EYA2: variants seen among roughly 807,000 people sequenced by gnomAD.
EYA2 encodes the protein EYA transcriptional coactivator and phosphatase 2.
A neutral mutation model predicts 69.2 loss-of-function variants in EYA2; 31 were observed. The observed-to-expected ratio is 0.45, with a 90% CI of 0.34 to 0.60. The LOEUF is 0.60. EYA2 is among the 20% of genes least tolerant of loss of function. The probability of loss-of-function intolerance (pLI) is 0.02; values close to 1 mark genes in which losing one functional copy is unlikely to be tolerated. For missense variants in EYA2, 622 were observed against 701.2 expected (o/e 0.89, Z 1.28); for synonymous variants, 257 against 279.4 (o/e 0.92, Z 0.80).
chr20:47,044,907 A>G (rs1417449), intron 5 of EYA2, among the ~76,000 whole-genome samples: 109,686 of 151,960 alleles, frequency 0.72, 39,758 homozygotes, highest in African/African-American at 0.75. Flanking sequence ...ATCTAGAGAG[A>G]GAAAACAATA....
At chr20:47,155,549 G>C (rs2033906231) in intron 10 of EYA2, among the ~76,000 whole-genome samples, 1 of 151,948 alleles carries the variant, frequency 6.6e-6, no homozygotes, top group Non-Finnish European at 1.5e-5. Flanking sequence ...CCATGTTAGA[G>C]ATGGGGAAAC....
At chr20:46,980,776 C>T (rs553493882) in intron 1 of EYA2, among the ~76,000 whole-genome samples, 27 of 152,294 alleles carry the variant, frequency 1.8e-4, no homozygotes, top group African/African-American at 6.0e-4. Flanking sequence ...CCCTTCCTGG[C>T]CTTCAGTAAT....
chr20:47,097,107 A>C lies in EYA2; in HGVS notation c.827A>C (p.Asp276Ala). The change falls in exon 9 of 16, where the codon GAT (aspartate) becomes GCT (alanine). Residue 276 changes from aspartate (D) to alanine (A), a missense_variant. Transcript: ENST00000327619. ...CAGCGTGTGTTCGTGTGGGACTTGGATGAGACAATAATTATTTTTCACTCC... is the reference window on the plus strand; with the variant it reads ...CAGCGTGTGTTCGTGTGGGACTTGGCTGAGACAATAATTATTTTTCACTCC... ...EIERVFVWDL[D>A]ETIIIFHSLL... is the part of the protein sequence containing the mutation. The C allele has an allele frequency of 6.2e-7, 1 of 1,610,492 alleles. No homozygotes were observed. Among genetic ancestry groups the C allele is most frequent in the Non-Finnish European group, 8.5e-7 (1 of 1,178,750 alleles).
Position 47,078,318 on chromosome 20 carries a change from TGC to T in EYA2, c.661+3996_661+3997del, listed in dbSNP as rs141520850. 6.4e-3 allele frequency among the ~76,000 whole-genome samples: 835 copies of T among 130,232 alleles called. 7 individuals carry two copies. The highest frequency in any genetic ancestry group is 0.016 in the South Asian group (63 of 3,850). The allele number at this position is 130,232 out of a possible 152,430, so 85.4% of individuals were successfully genotyped here. ...GCATATGTGTGTGCACATGTGCACGTGCGCGCGCGCGCGCACACACACACACA... is the reference window on the plus strand; with the variant it reads ...GCATATGTGTGTGCACATGTGCACGTGCGCGCGCGCGCACACACACACACA... On this transcript the variant is annotated intron_variant, in intron 7 of 15. Coordinates refer to ENST00000327619, the MANE Select transcript of EYA2 (RefSeq NM_005244.5).
chr20:46,912,744 A>G (rs1352223319), intron 1 of EYA2, among the ~76,000 whole-genome samples: 1 of 146,582 alleles, frequency 6.8e-6, no homozygotes, highest in Non-Finnish European at 1.5e-5. Flanking sequence ...CCCAGGCCGG[A>G]CTGCGGACTG....
intron 7 of EYA2, among the ~76,000 whole-genome samples, chr20:47,081,500 C>T (rs769077453): frequency 4.6e-5 from 7 of 151,948 alleles, no homozygotes; most frequent in East Asian, 3.9e-4. Flanking sequence ...ATAAAAAGGC[C>T]GGGCATGGTG....
chr20:46,904,382 T>G (rs1600529566), intron 1 of EYA2, among the ~76,000 whole-genome samples: 1 of 149,954 alleles, frequency 6.7e-6, no homozygotes, highest in Non-Finnish European at 1.5e-5. Flanking sequence ...ATTTTAAAAC[T>G]GCCAAACAGA....
At chr20:47,073,774 C>T (rs2031405554) in intron 6 of EYA2, among the ~76,000 whole-genome samples, 1 of 151,946 alleles carries the variant, frequency 6.6e-6, no homozygotes, top group Admixed American at 6.6e-5. Flanking sequence ...GTGCAGCTCT[C>T]AAAGACCAAC....
intron 5 of EYA2, among the ~76,000 whole-genome samples, chr20:47,019,937 C>G (rs959577241): frequency 1.4e-4 from 21 of 150,398 alleles, no homozygotes; most frequent in African/African-American, 5.2e-4. Context: ...TGCCACTGCA[C>G]TCCAGCCTGA....
At chr20:47,086,812 T>C (rs1468749277) in intron 7 of EYA2, among the ~76,000 whole-genome samples, 2 of 120,662 alleles carry the variant, frequency 1.7e-5, no homozygotes, top group Admixed American at 9.2e-5. Flanking sequence ...TTTTTTGTTG[T>C]TTTTTTTTTT....
At chr20:46,947,080 G>A (rs1394890196) in intron 1 of EYA2, among the ~76,000 whole-genome samples, 1 of 152,168 alleles carries the variant, frequency 6.6e-6, no homozygotes, top group East Asian at 1.9e-4. Flanking sequence ...GGCCCCCAAA[G>A]CCTAAAATAT....
chr20:46,904,457 C>A (rs1984260183), intron 1 of EYA2, among the ~76,000 whole-genome samples: 1 of 151,834 alleles, frequency 6.6e-6, no homozygotes, highest in Non-Finnish European at 1.5e-5. Flanking sequence ...GGGCTCAGAC[C>A]AAATTTTTAT....
At chr20:46,985,925 T>C (rs1164179469) in intron 1 of EYA2, among the ~76,000 whole-genome samples, 1 of 152,224 alleles carries the variant, frequency 6.6e-6, no homozygotes, top group African/African-American at 2.4e-5. Flanking sequence ...AACAATTTGC[T>C]GCTTCTAATA....
intron 9 of EYA2, among the ~76,000 whole-genome samples, chr20:47,098,397 C>T (rs1420387659): frequency 6.6e-6 from 1 of 152,238 alleles, no homozygotes; most frequent in Non-Finnish European, 1.5e-5. Context: ...CTAACCACTC[C>T]TGTAAAGTCA....
At chr20:47,067,299 A>T (rs1025300972) in intron 5 of EYA2, among the ~76,000 whole-genome samples, 1 of 152,200 alleles carries the variant, frequency 6.6e-6, no homozygotes, top group African/African-American at 2.4e-5. Flanking sequence ...CATGGTAACC[A>T]GAACCAAACA....
In EYA2 at chr20:47,123,397, G is replaced by T. The variant is rs185548751; in HGVS notation, c.889-19662G>T. On this transcript the variant is annotated intron_variant, in intron 9 of 15. Coordinates refer to ENST00000327619, the MANE Select transcript of EYA2 (RefSeq NM_005244.5). ...CAAGGTCAGATATAACCAGGTCCAC[G>T]CACGTTTATGTCTTTCCACAAGGTC... Among the ~76,000 whole-genome samples, 285 of 152,118 alleles carry T rather than the reference G, an allele frequency of 1.9e-3. 2 individuals are homozygous for T. Among genetic ancestry groups the T allele is most frequent in the African/African-American group, 6.0e-3 (251 of 41,492 alleles).
intron 11 of EYA2, among the ~76,000 whole-genome samples, chr20:47,170,303 A>G (rs2146652085): frequency 6.6e-6 from 1 of 152,182 alleles, no homozygotes; most frequent in African/African-American, 2.4e-5. Context: ...CTAGGGGAAA[A>G]CACTCCCAGG....
chr20:46,903,393 C>A (rs1190077651), intron 1 of EYA2, among the ~76,000 whole-genome samples: 2 of 152,184 alleles, frequency 1.3e-5, no homozygotes, highest in African/African-American at 4.8e-5. Flanking sequence ...ATAGGACTTA[C>A]CAGTGCCCCA....
At chr20:46,903,603 G>T (rs1409423990) in intron 1 of EYA2, among the ~76,000 whole-genome samples, 1 of 152,154 alleles carries the variant, frequency 6.6e-6, no homozygotes, top group South Asian at 2.1e-4. Context: ...TAACTTGGGG[G>T]TAAGTTACCA....
Sources: gnomAD v4.1 joint callset for allele counts (sites outside exome capture counted in the v4.1 genomes callset) on GRCh38, gnomAD v4.1.1 for gene constraint, MANE v1.5 for transcripts, NCBI Gene and HGNC (gene_info 2026-07-23, HGNC 2026-07-21) for gene names.